The following ASTN2 variants were observed in gnomAD, a reference collection of about 807,000 sequenced individuals.
ASTN2 encodes astrotactin 2.
A neutral mutation model predicts 139.8 loss-of-function variants in ASTN2; 54 were observed. The ratio of observed to expected loss-of-function variants is 0.39; its 90% confidence interval spans 0.31 to 0.48. The LOEUF (loss-of-function observed/expected upper bound fraction) is 0.48, where lower values mean the gene tolerates loss of function less well. Ranked by LOEUF, ASTN2 falls within the 20% of genes least tolerant of loss-of-function variation. The pLI, the probability that ASTN2 is intolerant of heterozygous loss-of-function variation, is 0.95. For synonymous variants in ASTN2, 756 were observed against 719.5 expected (o/e 1.05, Z -0.81); for missense variants, 1,565 against 1,725.1 (o/e 0.91, Z 1.64).
At chr9:116,583,755 G>C (rs1162000234) in intron 19 of ASTN2, 2 of 152,094 alleles carry the variant, frequency 1.3e-5, no homozygotes, top group Non-Finnish European at 2.9e-5. Context: ...ATGGCAAGGA[G>C]GACAGGTCCT....
At position 116,513,943 on chromosome 9, in the gene ASTN2, G is replaced by C. The variant is rs551590251; in HGVS notation, c.3356-26443C>G. ...TTTTTATCTTCTTTGCGATGGGTTC[G>C]AACTTCCTCCTTTAGCTCGGAGAAG... On this transcript the variant is annotated intron_variant, in intron 19 of 22. Transcript: ENST00000313400. Among the ~76,000 whole-genome samples the C allele has an allele frequency of 3.3e-5, 5 of 151,170 alleles. No homozygotes were observed. In the South Asian group the frequency reaches 1.0e-3, roughly 31 times the overall value.
At chr9:116,913,507 T>C (rs964469544) in intron 10 of ASTN2, among the ~76,000 whole-genome samples, 1 of 152,202 alleles carries the variant, frequency 6.6e-6, no homozygotes, top group Non-Finnish European at 1.5e-5. Flanking sequence ...TTAGTACCCC[T>C]GGGTTTGAGG....
At chr9:116,436,117 G>A (rs1298220508) in intron 22 of ASTN2, among the ~76,000 whole-genome samples, 3 of 152,060 alleles carry the variant, frequency 2.0e-5, no homozygotes, top group East Asian at 1.9e-4. Flanking sequence ...CCCAGCACAC[G>A]GCCTGACACA....
At chr9:116,758,634 C>T (rs934755371) in intron 13 of ASTN2, among the ~76,000 whole-genome samples, 1 of 152,124 alleles carries the variant, frequency 6.6e-6, no homozygotes, top group Non-Finnish European at 1.5e-5. Context: ...AAGCTTAGTG[C>T]GTATGCAGGG....
At chr9:117,374,167 T>C (rs1035357796) in intron 1 of ASTN2, among the ~76,000 whole-genome samples, 1 of 151,964 alleles carries the variant, frequency 6.6e-6, no homozygotes, top group African/African-American at 2.4e-5. Context: ...TTTTCCAGAC[T>C]AGGAAGCAGG....
intron 19 of ASTN2, among the ~76,000 whole-genome samples, chr9:116,494,570 A>G (rs1400608577): frequency 6.6e-6 from 1 of 152,312 alleles, no homozygotes; most frequent in East Asian, 1.9e-4. Context: ...GAAAGAAAGG[A>G]AGCAAAAAGA....
intron 3 of ASTN2, among the ~76,000 whole-genome samples, chr9:117,143,544 T>G (rs1401869004): frequency 6.6e-6 from 1 of 152,226 alleles, no homozygotes; most frequent in Non-Finnish European, 1.5e-5. Context: ...ATTGATTCAT[T>G]CATTCAACAG....
intron 1 of ASTN2, among the ~76,000 whole-genome samples, chr9:117,314,638 AATT>A (rs916869157): frequency 2.3e-4 from 34 of 146,312 alleles, no homozygotes; most frequent in African/African-American, 4.2e-4. Flanking sequence ...ATATAATTAT[AATT>A]ATTATATAAA....
At chr9:117,154,915 G>T (rs1243578369) in intron 3 of ASTN2, among the ~76,000 whole-genome samples, 2 of 151,922 alleles carry the variant, frequency 1.3e-5, no homozygotes, top group African/African-American at 4.8e-5. Context: ...TCTACACCAG[G>T]CACCATTACC....
chr9:116,821,092 G>A (rs570720589), intron 11 of ASTN2, among the ~76,000 whole-genome samples: 70 of 152,168 alleles, frequency 4.6e-4, no homozygotes, highest in Non-Finnish European at 8.8e-4. Context: ...AATGTCAGCT[G>A]CTGCTAATAT....
chr9:116,834,627 T>TC (rs1316684829), intron 11 of ASTN2, among the ~76,000 whole-genome samples: 36 of 152,260 alleles, frequency 2.4e-4, no homozygotes, highest in Admixed American at 2.4e-3. Context: ...GCATGTGTCT[T>TC]TTTCCATCCA....
At chr9:117,055,461 G>A (rs989849653) in intron 5 of ASTN2, among the ~76,000 whole-genome samples, 3 of 152,206 alleles carry the variant, frequency 2.0e-5, no homozygotes, top group African/African-American at 7.2e-5. Context: ...TATTTAACAT[G>A]CAGAATATAT....
intron 19 of ASTN2, among the ~76,000 whole-genome samples, chr9:116,513,266 G>A (rs1181794629): frequency 1.3e-5 from 2 of 152,144 alleles, no homozygotes; most frequent in East Asian, 1.9e-4. Flanking sequence ...ATGAAGCTTA[G>A]TTTCGCTGGA....
chr9:116,779,296 C>T (rs1830159031), intron 13 of ASTN2, among the ~76,000 whole-genome samples: 1 of 152,046 alleles, frequency 6.6e-6, no homozygotes, highest in South Asian at 2.1e-4. Flanking sequence ...GGTTTGGTCC[C>T]TTTTTTCCCC....
At chr9:116,451,653 G>A (rs1248643992) in intron 20 of ASTN2, among the ~76,000 whole-genome samples, 1 of 152,142 alleles carries the variant, frequency 6.6e-6, no homozygotes, top group Non-Finnish European at 1.5e-5. Context: ...AAAAGCTACT[G>A]TGAACTAGAC....
intron 3 of ASTN2, chr9:117,197,465 G>A (rs1226423432): frequency 6.6e-6 from 1 of 152,198 alleles, no homozygotes; most frequent in African/African-American, 2.4e-5. Context: ...ATGCATGGCT[G>A]ACTTGAAAAG....
intron 5 of ASTN2, among the ~76,000 whole-genome samples, chr9:117,059,099 C>G (rs139429488): frequency 1.3e-3 from 198 of 152,240 alleles, no homozygotes; most frequent in African/African-American, 4.5e-3. Flanking sequence ...TGGTAAGGAA[C>G]AAGGAGTCAT....
chr9:116,811,708 T>C (rs1280848368), intron 12 of ASTN2, among the ~76,000 whole-genome samples: 4 of 152,352 alleles, frequency 2.6e-5, no homozygotes, highest in Middle Eastern at 6.8e-3. Context: ...AGATAACTTA[T>C]ACAAAAGATG....
At chr9:116,876,682 C>A (rs955958409) in intron 10 of ASTN2, among the ~76,000 whole-genome samples, 5 of 152,158 alleles carry the variant, frequency 3.3e-5, no homozygotes, top group Non-Finnish European at 5.9e-5. Flanking sequence ...TGAAGCAATA[C>A]CCTGCACCAG....
Sources: allele counts gnomAD v4.1 joint callset (sites outside exome capture counted in the v4.1 genomes callset), GRCh38; gene constraint gnomAD v4.1.1; transcripts MANE v1.5; gene names NCBI Gene and HGNC (gene_info 2026-07-23, HGNC 2026-07-21).